PTK2: variants seen among roughly 807,000 people sequenced by gnomAD.
PTK2 encodes the protein protein tyrosine kinase 2, also known as focal adhesion kinase 1.
A neutral mutation model predicts 150.1 loss-of-function variants in PTK2; 45 were observed. The ratio of observed to expected loss-of-function variants is 0.30; its 90% confidence interval spans 0.24 to 0.38. The LOEUF is 0.38. Ranked by LOEUF, PTK2 falls within the 10% of genes least tolerant of loss-of-function variation. The pLI, the probability that PTK2 is intolerant of heterozygous loss-of-function variation, is 1.00. For synonymous variants in PTK2, 432 were observed against 449.2 expected (o/e 0.96, Z 0.48); for missense variants, 919 against 1,307.3 (o/e 0.70, Z 4.58).
chr8:140,702,423 T>C (rs2100031171), intron 25 of PTK2, 147 bp downstream of exon 28: 1 of 1,004,974 alleles, frequency 1.0e-6, no homozygotes, highest in Admixed American at 2.4e-5. Flanking sequence ...CTCGCTATGT[T>C]GCCCAGTCTG....
intron 31 of PTK2, among the ~76,000 whole-genome samples, chr8:140,659,976 A>AT (rs950325820): frequency 1.7e-4 from 25 of 150,778 alleles, no homozygotes; most frequent in South Asian, 2.1e-4. Context: ...CAATCTTTAA[A>AT]TTTTTTTTTT....
intron 23 of PTK2, among the ~76,000 whole-genome samples, chr8:140,716,286 T>C (rs138111737): frequency 4.4e-4 from 67 of 152,284 alleles, no homozygotes; most frequent in Non-Finnish European, 7.2e-4. Context: ...TCTGCAGTAG[T>C]AAACAAATTT....
At chr8:140,827,439 A>AT (rs2100112457) in intron 8 of PTK2, among the ~76,000 whole-genome samples, 2 of 152,204 alleles carry the variant, frequency 1.3e-5, no homozygotes, top group African/African-American at 4.8e-5. Flanking sequence ...AAAAAAGCAC[A>AT]TGGGCATCAG....
rs577555244 is a variant in PTK2 at position 140,783,851 on chromosome 8, A to T, written c.1177+5623T>A. On this transcript the variant is annotated intron_variant, in intron 14 of 31. Transcript: ENST00000522684. ...AAATTAAAAATTTATTTAAATTGCAACAAATACTGAAAAAGTATCACAAAG... is the reference window on the plus strand; with the variant it reads ...AAATTAAAAATTTATTTAAATTGCATCAAATACTGAAAAAGTATCACAAAG... Among the ~76,000 whole-genome samples, 9 of 152,366 alleles carry T rather than the reference A, an allele frequency of 5.9e-5. No homozygotes were observed. The South Asian group carries it at 6.2e-4, about 11-fold the overall frequency.
chr8:140,909,476 A>G (rs1046745289), intron 2 of PTK2: 1 of 152,246 alleles, frequency 6.6e-6, no homozygotes, highest in African/African-American at 2.4e-5. Context: ...TAGAAATTTT[A>G]CAGAACTAGC....
chr8:140,939,179 T>C (rs2100174789), intron 1 of PTK2, among the ~76,000 whole-genome samples: 1 of 152,214 alleles, frequency 6.6e-6, no homozygotes, highest in African/African-American at 2.4e-5. Context: ...ATCTAATGAA[T>C]AAAAGTATAT....
intron 22 of PTK2, among the ~76,000 whole-genome samples, chr8:140,721,944 T>C (rs1419104161): frequency 6.6e-6 from 1 of 152,238 alleles, no homozygotes; most frequent in African/African-American, 2.4e-5. Context: ...ATCTGTTTGT[T>C]TGACTTTTGC....
intron 30 of PTK2, among the ~76,000 whole-genome samples, chr8:140,665,901 C>T (rs1042833125): frequency 1.5e-4 from 23 of 152,180 alleles, no homozygotes; most frequent in African/African-American, 4.6e-4. Context: ...TTGGTTAAAA[C>T]TGTTATGTGG....
intron 14 of PTK2, among the ~76,000 whole-genome samples, chr8:140,764,794 A>C (rs976440267): frequency 1.3e-5 from 2 of 152,250 alleles, no homozygotes; most frequent in Non-Finnish European, 2.9e-5. Context: ...GTGCTAATTC[A>C]TTCCATTTGC....
At chr8:140,663,913 C>A (rs1292961152) in intron 31 of PTK2, among the ~76,000 whole-genome samples, 2 of 152,184 alleles carry the variant, frequency 1.3e-5, no homozygotes, top group Non-Finnish European at 1.5e-5. Flanking sequence ...CTCGGCCGCC[C>A]AAAGTGTTGG....
At chr8:140,875,737 T>C (rs1401620931) in intron 4 of PTK2, among the ~76,000 whole-genome samples, 1 of 152,216 alleles carries the variant, frequency 6.6e-6, no homozygotes, top group African/African-American at 2.4e-5. Context: ...GCCTGGGTTA[T>C]TCCACTAATT....
chr8:140,810,501 G>A (rs1005172695), intron 10 of PTK2, among the ~76,000 whole-genome samples: 26 of 152,266 alleles, frequency 1.7e-4, no homozygotes, highest in African/African-American at 5.1e-4. Flanking sequence ...GTGGCTGACC[G>A]CTTCTGACCA....
intron 1 of PTK2, among the ~76,000 whole-genome samples, chr8:140,962,284 G>A (rs1280889908): frequency 3.4e-5 from 5 of 147,688 alleles, no homozygotes; most frequent in Admixed American, 3.4e-4. Context: ...AGGAAGGGAG[G>A]GAGGAAGGGA....
intron 22 of PTK2, among the ~76,000 whole-genome samples, chr8:140,724,356 T>C (rs1402012693): frequency 6.6e-6 from 1 of 152,234 alleles, no homozygotes; most frequent in Non-Finnish European, 1.5e-5. Context: ...AACTGTGTTT[T>C]TGTCTTCATT....
chr8:141,001,762 G>A (rs539085888), upstream of PTK2, among the ~76,000 whole-genome samples: 286 of 152,338 alleles, frequency 1.9e-3, 1 homozygote, highest in African/African-American at 6.6e-3. Flanking sequence ...TGCGGGCCCC[G>A]GGCCTTGCAG....
rs916960982 is a variant in PTK2, at chr8:140,949,660, G to C, written c.-121-23911C>G. On this transcript the variant is annotated intron_variant, in intron 1 of 31. Transcript: ENST00000522684. Reference sequence around the variant, plus strand: ...CAGACTTTGGGCACTGACAAGCACGGGAGGGAGGCCAAGGGGGAGCTGAGG... The same window carrying C: ...CAGACTTTGGGCACTGACAAGCACGCGAGGGAGGCCAAGGGGGAGCTGAGG... Among the ~76,000 whole-genome samples the C allele has an allele frequency of 5.3e-5, 8 of 152,270 alleles. No individual in the cohort carries two copies. The East Asian group carries it at 5.8e-4, about 11-fold the overall frequency.
chr8:140,912,681 C>T (rs182919963), intron 2 of PTK2, among the ~76,000 whole-genome samples: 2 of 152,086 alleles, frequency 1.3e-5, no homozygotes, highest in Non-Finnish European at 2.9e-5. Flanking sequence ...AGGATATCAG[C>T]TGGGCACAGT....
intron 7 of PTK2, 119 bp downstream of exon 7, chr8:140,846,141 C>T: frequency 1.4e-6 from 1 of 727,732 alleles, no homozygotes; most frequent in Non-Finnish European, 2.2e-6. Flanking sequence ...TGTCCTTTTC[C>T]TCTTCTGGAT....
intron 5 of PTK2, 50 bp downstream of exon 5, chr8:140,864,262 T>A: frequency 9.2e-7 from 1 of 1,085,948 alleles, no homozygotes; most frequent in Non-Finnish European, 1.3e-6. Context: ...ATGCAATAAA[T>A]AGGATTCAAA....
Sources: gnomAD v4.1 joint callset for allele counts (sites outside exome capture counted in the v4.1 genomes callset) on GRCh38, gnomAD v4.1.1 for gene constraint, MANE v1.5 for transcripts, NCBI Gene and HGNC (gene_info 2026-07-23, HGNC 2026-07-21) for gene names.